Variants in FOXP4 observed in about 807,000 individuals in gnomAD.
FOXP4 encodes forkhead box P4.
In FOXP4, 25 loss-of-function variants were observed where a neutral mutation model predicts 82.6. The ratio of observed to expected loss-of-function variants is 0.30; its 90% CI spans 0.22 to 0.42. FOXP4 has a LOEUF of 0.42. Ranked by LOEUF, FOXP4 falls within the 10% of genes least tolerant of loss-of-function variation. The probability of loss-of-function intolerance (pLI) is 1.00; values close to 1 mark genes in which losing one functional copy is unlikely to be tolerated. For synonymous variants in FOXP4, 415 were observed against 388.2 expected (o/e 1.07, Z -0.81); for missense variants, 785 against 900.9 (o/e 0.87, Z 1.65).
chr6:41,578,502 G>GCAGT (rs918938263), intron 3 of FOXP4, among the ~76,000 whole-genome samples: 20 of 152,180 alleles, frequency 1.3e-4, no homozygotes, highest in Non-Finnish European at 2.9e-4. Flanking sequence ...CTCTGTTGCT[G>GCAGT]CAGTCACGTC....
At chr6:41,587,190 A>T (rs1396174304) in intron 6 of FOXP4, 34 bp downstream of exon 6, 3 of 1,608,856 alleles carry the variant, frequency 1.9e-6, no homozygotes. Context: ...TCCCAGCCCC[A>T]ACCCCACAGC....
chr6:41,594,923 C>T lies in FOXP4; in HGVS notation c.1590C>T (p.Asn530=), dbSNP rs148335447. Residue 530 remains asparagine (N), a synonymous_variant, in exon 14 of 17, where the codon AAC becomes AAT. Transcript: ENST00000307972. ...SLHKCFVRVE[N]VKGAVWTVDE... is the part of the protein sequence containing the mutation. Reference sequence around the variant, plus strand: ...ACAAGTGCTTCGTCCGCGTGGAGAACGTCAAGGGTGCCGTGTGGACTGTGG... The same window carrying T: ...ACAAGTGCTTCGTCCGCGTGGAGAATGTCAAGGGTGCCGTGTGGACTGTGG... The T allele has an allele frequency of 2.4e-5, 39 of 1,614,220 alleles. No individual in the cohort carries two copies. In the East Asian group the frequency reaches 6.5e-4, roughly 27 times the overall value.
intron 2 of FOXP4, among the ~76,000 whole-genome samples, chr6:41,569,357 G>C (rs747332518): frequency 6.6e-6 from 1 of 152,146 alleles, no homozygotes; most frequent in African/African-American, 2.4e-5. Flanking sequence ...CCCCTCCCTC[G>C]CCAAGGCAAA....
chr6:41,580,971 C>T (rs947268248), intron 3 of FOXP4, among the ~76,000 whole-genome samples: 5 of 152,240 alleles, frequency 3.3e-5, no homozygotes, highest in Non-Finnish European at 5.9e-5. Flanking sequence ...GAGGGGCCCT[C>T]CTTCCAGGCC....
In FOXP4 at chr6:41,587,813, C is replaced by T; in HGVS notation, c.893C>T (p.Pro298Leu). 1 of 1,566,838 alleles carries T rather than the reference C, an allele frequency of 6.4e-7. No individual in the cohort carries two copies. Residue 298 changes from proline (P) to leucine (L), a missense_variant, in exon 8 of 17, where the codon CCC becomes CTC. Pro to Leu is a moderately conservative substitution (Grantham distance 98, BLOSUM62 -3). Around this residue, in one of 3 missense-constraint regions of FOXP4, gnomAD observed 570 missense variants for 634.0 expected, o/e 0.90. Coordinates refer to ENST00000307972, the MANE Select transcript of FOXP4 (RefSeq NM_001012426.2). Reference sequence around the variant, plus strand: ...CCCAGCTCTTCCCACGAGGAGACCCCCGGCTCCCACCCCCTGTACGGACAC... The same window carrying T: ...CCCAGCTCTTCCCACGAGGAGACCCTCGGCTCCCACCCCCTGTACGGACAC... ...RRDSSSHEET[P>L]GSHPLYGHGE...
chr6:41,597,864 C>A lies in FOXP4; in HGVS notation c.1809C>A (p.Leu603=). The change falls in exon 16 of 17, where the codon CTC becomes CTA. Residue 603 remains leucine, a synonymous_variant. Coordinates refer to ENST00000307972, the MANE Select transcript of FOXP4 (RefSeq NM_001012426.2). ...NPGSASSLLP[L]SHDDVGAPVE... is the part of the protein sequence containing the mutation. The stretch of plus-strand genomic sequence containing the variant: ...GCTCCGCCAGCAGCCTGCTGCCCCT[C>A]AGCCACGATGACGTGGGTGCCCCCG... The A allele has an allele frequency of 6.2e-7, 1 of 1,600,122 alleles. No homozygotes were observed.
chr6:41,563,951 G>A (rs1336437507), intron 1 of FOXP4, among the ~76,000 whole-genome samples: 3 of 152,260 alleles, frequency 2.0e-5, no homozygotes, highest in South Asian at 4.1e-4. Context: ...AGGGATCCTG[G>A]AACCAATCCC....
At chr6:41,598,082 CTCTT>C (rs1766973390) in intron 16 of FOXP4, 132 bp downstream of exon 16, 2 of 717,424 alleles carry the variant, frequency 2.8e-6, no homozygotes, top group South Asian at 2.1e-5. Flanking sequence ...AGTGGCTTCT[CTCTT>C]CCTTCCCTCA....
At chr6:41,564,143 A>G (rs1012278798) in intron 1 of FOXP4, among the ~76,000 whole-genome samples, 2 of 152,216 alleles carry the variant, frequency 1.3e-5, no homozygotes, top group Non-Finnish European at 2.9e-5. Flanking sequence ...ATTTTAGAAC[A>G]GCTTTTCATA....
At position 41,585,504 on chromosome 6, in the gene FOXP4, C is replaced by A. The variant is rs150633525; in HGVS notation, c.497C>A (p.Pro166Gln). 109 of 1,613,766 alleles carry A rather than the reference C, an allele frequency of 6.8e-5. No individual in the cohort carries two copies. In the African/African-American group the frequency reaches 1.2e-3, roughly 18 times the overall value. ...QLLTQQQAGK[P>Q]QPKEALGNKQ... ...CTCACCCAGCAGCAGGCTGGGAAAC[C>A]GCAGCCCAAAGAGGTAAGGGGCTGT... is the stretch of plus-strand genomic sequence containing the variant. Residue 166 changes from proline to glutamine, a missense_variant, in exon 5 of 17, where the codon CCG becomes CAG. By Grantham distance (76) the Pro-to-Gln change is moderately conservative (BLOSUM62 -1). This residue lies in a region of FOXP4 where 570 missense variants were observed against 634.0 expected (regional missense o/e 0.90). Coordinates refer to ENST00000307972, the MANE Select transcript of FOXP4 (RefSeq NM_001012426.2).
chr6:41,601,454 C>T lies in FOXP4; in HGVS notation c.*2518C>T, dbSNP rs1158583536. 1 of 152,306 alleles carries T rather than the reference C, an allele frequency of 6.6e-6. No individual in the cohort carries two copies. The highest frequency in any genetic ancestry group is 2.4e-5 in the African/African-American group (1 of 41,438). 9.4% of individuals were successfully genotyped at this position (152,306 alleles called of 1,614,324 possible). A position where few individuals can be genotyped will look rare whatever the true frequency, so the allele number is the denominator to read the frequency against. On this transcript the variant is annotated 3_prime_UTR_variant, in exon 17 of 17. Transcript: ENST00000307972. ...ACCCCTGTGCACATCCCCAGGGCCT[C>T]AGCCGTCTCATTGGTCTTTATTTTT...
rs1766495364 is a variant in FOXP4 at position 41,591,209 on chromosome 6, C to T, written c.1435-12C>T. On this transcript the variant is annotated splice_polypyrimidine_tract_variant and intron_variant, in intron 12 of 16. Transcript: ENST00000307972. This position sits in a 1 kb window ranked among gnomAD's most constrained non-coding sequence, Gnocchi z 4.2. Reference sequence around the variant, plus strand: ...CAGGCTGACGGTCCCTTTGCTTGTTCCTTCCCCGCAGGCCATCCTGGAAAC... The same window carrying T: ...CAGGCTGACGGTCCCTTTGCTTGTTTCTTCCCCGCAGGCCATCCTGGAAAC... 1.2e-6 allele frequency: 2 copies of T among 1,600,114 alleles called. No individual in the cohort carries two copies. The highest frequency in any genetic ancestry group is 1.7e-4 in the Middle Eastern group (1 of 6,052).
At chr6:41,585,017 A>C in intron 4 of FOXP4, 126 bp downstream of exon 4, 3 of 1,303,622 alleles carry the variant, frequency 2.3e-6, no homozygotes, top group Non-Finnish European at 3.1e-6. Flanking sequence ...GGCCAGACTG[A>C]TCTGCATTCC....
intron 1 of FOXP4, among the ~76,000 whole-genome samples, chr6:41,555,731 G>C (rs1164080880): frequency 6.6e-6 from 1 of 152,134 alleles, no homozygotes; most frequent in South Asian, 2.1e-4. Context: ...TCCCAGCTCC[G>C]AATCAATGGC....
Position 41,599,122 on chromosome 6 carries a change from C to G in FOXP4, c.*186C>G. 1 of 739,636 alleles carries G rather than the reference C, an allele frequency of 1.4e-6. No individual in the cohort carries two copies. Among genetic ancestry groups the G allele is most frequent in the East Asian group, 2.9e-5 (1 of 34,866 alleles). 45.8% of individuals were successfully genotyped at this position (739,636 alleles called of 1,614,324 possible). ...ACGTAGGGGCAGGGACGGTCCCCAC[C>G]CCCAGGGACACAACCCCTGGTCTTG... On this transcript the variant is annotated 3_prime_UTR_variant, in exon 17 of 17. Coordinates refer to ENST00000307972, the MANE Select transcript of FOXP4 (RefSeq NM_001012426.2).
chr6:41,570,114 A>ACACACACACACACC (rs1765113215), intron 2 of FOXP4: 1 of 351,220 alleles, frequency 2.8e-6, no homozygotes, highest in Non-Finnish European at 5.7e-6. Flanking sequence ...ACACACACAC[A>ACACACACACACACC]CACGCAGTCA....
At chr6:41,584,974 C>G in intron 4 of FOXP4, 83 bp downstream of exon 4, 1 of 1,463,148 alleles carries the variant, frequency 6.8e-7, no homozygotes, top group Non-Finnish European at 9.0e-7. Context: ...CACCAAGGGC[C>G]CAAGCTGTCC....
chr6:41,565,327 T>C (rs529127150), intron 1 of FOXP4, among the ~76,000 whole-genome samples: 2 of 152,192 alleles, frequency 1.3e-5, no homozygotes, highest in Non-Finnish European at 2.9e-5. Context: ...ACCACTGCAC[T>C]CTAGCCTGGG....
intron 2 of FOXP4, among the ~76,000 whole-genome samples, chr6:41,567,828 A>G (rs1302222424): frequency 1.3e-5 from 2 of 152,318 alleles, no homozygotes; most frequent in East Asian, 3.9e-4. Flanking sequence ...GTTTTGGGGA[A>G]TATCCCACAG....
Sources: gnomAD v4.1 joint callset for allele counts (sites outside exome capture counted in the v4.1 genomes callset) on GRCh38, gnomAD v4.1.1 for gene constraint, gnomAD v4.1.1 regional missense constraint, Gnocchi (gnomAD v3.1) non-coding constraint, MANE v1.5 for transcripts, NCBI Gene and HGNC (gene_info 2026-07-23, HGNC 2026-07-21) for gene names.